The following CABCOCO1 variants were observed in gnomAD, a reference collection of about 807,000 sequenced individuals.
The protein encoded by CABCOCO1 is ciliary-associated calcium-binding coiled-coil protein 1.
CABCOCO1 carries 28 observed loss-of-function variants against 35.7 expected under a neutral mutation model. That is an observed-to-expected ratio of 0.78 (90% CI 0.58 to 1.07). The LOEUF is 1.07. CABCOCO1 is among the 50% of genes least tolerant of loss of function. The pLI, the probability that CABCOCO1 is intolerant of heterozygous loss-of-function variation, is 0.00. For missense variants in CABCOCO1, 326 were observed against 309.2 expected (o/e 1.05, Z -0.41); for synonymous variants, 95 against 100.1 (o/e 0.95, Z 0.30).
chr10:61,712,806 G>C lies in CABCOCO1; in HGVS notation c.552+22185G>C, dbSNP rs991993575. Among the ~76,000 whole-genome samples, 37 of 152,076 alleles carry C rather than the reference G, an allele frequency of 2.4e-4. 1 individual carries two copies. The highest frequency in any genetic ancestry group is 1.2e-4 in the Non-Finnish European group (8 of 67,992). On this transcript the variant is annotated intron_variant, in intron 5 of 7. Coordinates refer to ENST00000648843, the MANE Select transcript of CABCOCO1 (RefSeq NM_001366906.2). Reference sequence around the variant, plus strand: ...TTTTTGTCAGGTTTGTCAAAGATCCGATGGTTGTAGATGTGTGGTGTTATT... The same window carrying C: ...TTTTTGTCAGGTTTGTCAAAGATCCCATGGTTGTAGATGTGTGGTGTTATT...
intron 1 of CABCOCO1, among the ~76,000 whole-genome samples, chr10:61,671,061 C>G (rs1429481176): frequency 6.6e-6 from 1 of 152,178 alleles, no homozygotes; most frequent in Non-Finnish European, 1.5e-5. Context: ...GCACCGTGGC[C>G]CACGCCTGTA....
chr10:61,672,849 C>A, intron 2 of CABCOCO1, 114 bp downstream of exon 2: 1 of 713,558 alleles, frequency 1.4e-6, no homozygotes, highest in Non-Finnish European at 1.7e-6. Flanking sequence ...TGATATTATG[C>A]ACTGAAAAAT....
intron 5 of CABCOCO1, among the ~76,000 whole-genome samples, chr10:61,716,809 A>G (rs1840879402): frequency 6.6e-6 from 1 of 152,182 alleles, no homozygotes; most frequent in South Asian, 2.1e-4. Context: ...GATGCTTGAT[A>G]AACATTTAAT....
chr10:61,724,669 T>C (rs1051205892), intron 5 of CABCOCO1, among the ~76,000 whole-genome samples: 1 of 152,200 alleles, frequency 6.6e-6, no homozygotes. Context: ...AGATGGATAA[T>C]TGTAAAACAT....
At chr10:61,675,400 C>G (rs1481253069) in intron 2 of CABCOCO1, among the ~76,000 whole-genome samples, 1 of 151,936 alleles carries the variant, frequency 6.6e-6, no homozygotes, top group Non-Finnish European at 1.5e-5. Flanking sequence ...CCCTGTGGTT[C>G]AAGTTAAAAG....
intron 5 of CABCOCO1, among the ~76,000 whole-genome samples, chr10:61,710,610 A>G (rs1840711428): frequency 6.6e-6 from 1 of 151,958 alleles, no homozygotes; most frequent in Admixed American, 6.6e-5. Flanking sequence ...GTAAAAAACC[A>G]TGCTCTAATC....
intron 5 of CABCOCO1, chr10:61,701,810 A>G (rs551473071): frequency 1.0e-6 from 1 of 982,802 alleles, no homozygotes; most frequent in South Asian, 4.7e-5. Flanking sequence ...CCAAGACCAG[A>G]GGCCTCTGAA....
chr10:61,690,062 G>A (rs188667272), intron 4 of CABCOCO1, among the ~76,000 whole-genome samples: 2 of 152,114 alleles, frequency 1.3e-5, no homozygotes, highest in African/African-American at 4.8e-5. Context: ...CATTTTTCAG[G>A]TATTATTATA....
intron 5 of CABCOCO1, among the ~76,000 whole-genome samples, chr10:61,718,027 G>A (rs776196116): frequency 2.6e-5 from 4 of 152,090 alleles, no homozygotes; most frequent in Non-Finnish European, 5.9e-5. Context: ...ATGGATGCTG[G>A]TCCGCGTGGT....
intron 7 of CABCOCO1, 38 bp downstream of exon 7, chr10:61,761,041 C>A (rs969875556): frequency 1.2e-6 from 2 of 1,601,772 alleles, no homozygotes; most frequent in Non-Finnish European, 1.7e-6. Flanking sequence ...TACTTTATTA[C>A]TGGTTAATTA....
At chr10:61,763,643 A>G (rs1842052608) in intron 7 of CABCOCO1, among the ~76,000 whole-genome samples, 1 of 152,046 alleles carries the variant, frequency 6.6e-6, no homozygotes, top group Non-Finnish European at 1.5e-5. Flanking sequence ...ATAGGGTAAT[A>G]TAATATAAAA....
intron 3 of CABCOCO1, among the ~76,000 whole-genome samples, chr10:61,684,707 C>G (rs1228513630): frequency 9.9e-5 from 15 of 152,142 alleles, no homozygotes; most frequent in African/African-American, 3.6e-4. Context: ...TTCTACTCTC[C>G]ACCTCCAGTA....
At chr10:61,740,265 G>A (rs1470941308) in intron 5 of CABCOCO1, among the ~76,000 whole-genome samples, 1 of 152,180 alleles carries the variant, frequency 6.6e-6, no homozygotes, top group East Asian at 1.9e-4. Context: ...ATAATCTATC[G>A]CCATCTTTGT....
chr10:61,677,914 C>T (rs766748236), intron 2 of CABCOCO1, among the ~76,000 whole-genome samples: 3 of 142,884 alleles, frequency 2.1e-5, no homozygotes, highest in Admixed American at 1.5e-4. Flanking sequence ...TAACAAGGAC[C>T]AATTTATTAG....
intron 1 of CABCOCO1, chr10:61,663,273 G>C (rs942730429): frequency 1.3e-5 from 2 of 158,214 alleles, no homozygotes; most frequent in African/African-American, 4.8e-5. Flanking sequence ...CACGGTGCCA[G>C]CGGGTCTAAA....
In CABCOCO1 at chr10:61,755,367, G is replaced by C. The variant is rs188920888; in HGVS notation, c.553-4692G>C. On this transcript the variant is annotated intron_variant, in intron 5 of 7. Coordinates refer to ENST00000648843, the MANE Select transcript of CABCOCO1 (RefSeq NM_001366906.2). ...AAATGAGTAATGCCTTTCTTCAAGG[G>C]GGGGAAAATAGTTAAAACATTACAG... 1.8e-3 allele frequency among the ~76,000 whole-genome samples: 267 copies of C among 152,148 alleles called. 3 individuals carry two copies. The highest frequency in any genetic ancestry group is 6.3e-3 in the African/African-American group (261 of 41,538).
chr10:61,701,881 A>C lies in CABCOCO1; in HGVS notation c.552+11260A>C, dbSNP rs184847907. On this transcript the variant is annotated intron_variant, in intron 5 of 7. Coordinates refer to ENST00000648843, the MANE Select transcript of CABCOCO1 (RefSeq NM_001366906.2). ...AATCTAAAGGACTAGCAAGATAAAG[A>C]AGAGATTTGTCTTGTCTGCATAACT... 1.0e-5 allele frequency: 9 copies of C among 872,062 alleles called. No individual in the cohort carries two copies. In the Admixed American group the frequency reaches 5.0e-4, roughly 48 times the overall value. 54.0% of individuals were successfully genotyped at this position (872,062 alleles called of 1,614,324 possible).
chr10:61,723,351 T>C (rs778572091), intron 5 of CABCOCO1, among the ~76,000 whole-genome samples: 1 of 152,352 alleles, frequency 6.6e-6, no homozygotes, highest in African/African-American at 2.4e-5. Flanking sequence ...TTTTATAGTA[T>C]ACATTCCCCA....
chr10:61,692,764 C>A (rs561205256), intron 5 of CABCOCO1, among the ~76,000 whole-genome samples: 6 of 152,244 alleles, frequency 3.9e-5, no homozygotes, highest in Admixed American at 3.9e-4. Context: ...AAAATTACTT[C>A]TTTGCAGTCT....
Sources: allele counts gnomAD v4.1 joint callset (sites outside exome capture counted in the v4.1 genomes callset), GRCh38; gene constraint gnomAD v4.1.1; transcripts MANE v1.5; gene names NCBI Gene and HGNC (gene_info 2026-07-23, HGNC 2026-07-21).